Variants in DNAH6 observed in about 807,000 individuals in gnomAD.
The protein encoded by DNAH6 is axonemal beta dynein heavy chain 6.
DNAH6 carries 340 observed loss-of-function variants against 491.4 expected under a neutral mutation model. That is an observed-to-expected ratio of 0.69 (90% confidence interval 0.63 to 0.76). The LOEUF is 0.76. Among genes scored for constraint, DNAH6 ranks in the 30% least tolerant of loss-of-function variants. DNAH6 has a pLI of 0.00. For missense variants in DNAH6, 4,443 were observed against 4,972.2 expected (o/e 0.89, Z 3.20); for synonymous variants, 1,603 against 1,686.1 (o/e 0.95, Z 1.21).
chr2:84,598,798 G>A (rs1366419968), intron 18 of DNAH6, among the ~76,000 whole-genome samples: 3 of 152,068 alleles, frequency 2.0e-5, no homozygotes, highest in Admixed American at 6.5e-5. Context: ...TTGGGAGGCC[G>A]AGGCAGGTGG....
chr2:84,773,260 T>G (rs185792640), intron 64 of DNAH6, among the ~76,000 whole-genome samples: 5 of 152,108 alleles, frequency 3.3e-5, no homozygotes, highest in African/African-American at 1.2e-4. Flanking sequence ...TTTCCAATCT[T>G]TATGTCCATG....
rs1689271935 is a variant in DNAH6, at chr2:84,640,342, T to G, written c.4822-88T>G. 3.6e-6 allele frequency: 3 copies of G among 829,110 alleles called. No individual in the cohort carries two copies. The South Asian group carries it at 6.1e-5, about 17-fold the overall frequency. 51.4% of individuals were successfully genotyped at this position (829,110 alleles called of 1,614,324 possible). A position where few individuals can be genotyped will look rare whatever the true frequency, so the allele number is the denominator to read the frequency against. ...ATAACAACTTGGAAAGTATAATGTT[T>G]AGAGTCAATTTTGACTATGTTGGTA... is the stretch of plus-strand genomic sequence containing the variant. On this transcript the variant is annotated intron_variant, in intron 31 of 76. Coordinates refer to ENST00000389394, the MANE Select transcript of DNAH6 (RefSeq NM_001370.2).
chr2:84,540,667 A>C (rs1330860637), intron 4 of DNAH6, among the ~76,000 whole-genome samples: 6 of 152,168 alleles, frequency 3.9e-5, no homozygotes, highest in Non-Finnish European at 5.9e-5. Flanking sequence ...CAAGGGCCCC[A>C]AAATTCTCTC....
At chr2:84,740,597 C>T (rs1480183145) in intron 62 of DNAH6, among the ~76,000 whole-genome samples, 1 of 152,150 alleles carries the variant, frequency 6.6e-6, no homozygotes, top group Non-Finnish European at 1.5e-5. Flanking sequence ...CTCTCCCCTC[C>T]TTTAGGGACA....
chr2:84,714,974 C>G (rs1697381022), intron 57 of DNAH6, among the ~76,000 whole-genome samples: 1 of 151,528 alleles, frequency 6.6e-6, no homozygotes, highest in Admixed American at 6.6e-5. Flanking sequence ...ATTGACTTAT[C>G]GAGTGATGTC....
At chr2:84,478,264 A>G in the DNAH6 span, among the ~76,000 whole-genome samples, 7 of 152,258 alleles carry the variant, frequency 4.6e-5, no homozygotes, top group Admixed American at 3.9e-4. Flanking sequence ...GCAGCCTCCA[A>G]GAGAGACAGA....
chr2:84,632,769 A>C (rs185681332), intron 29 of DNAH6, among the ~76,000 whole-genome samples: 1 of 152,080 alleles, frequency 6.6e-6, no homozygotes, highest in South Asian at 2.1e-4. Flanking sequence ...ATCTCTGACT[A>C]ATCCCTTTTT....
intron 16 of DNAH6, 83 bp from the exon 17 acceptor site, chr2:84,593,889 C>A: frequency 1.5e-6 from 1 of 668,818 alleles, no homozygotes; most frequent in Non-Finnish European, 2.4e-6. Context: ...AATCACTGTA[C>A]CAAGAATTAC....
rs145716207 is a variant in DNAH6 at position 84,580,377 on chromosome 2, C to G, written c.2229+698C>G. ...TCCTTTGTCTCTTTTGCTTCTTTTT[C>G]TCCGGAAACTTGGTTTCCTCCTCTC... On this transcript the variant is annotated intron_variant, in intron 14 of 76. Coordinates refer to ENST00000389394, the MANE Select transcript of DNAH6 (RefSeq NM_001370.2). Among the ~76,000 whole-genome samples the G allele has an allele frequency of 2.1e-4, 32 of 151,922 alleles. 1 individual carries two copies. In the East Asian group the frequency reaches 6.0e-3, roughly 28 times the overall value.
At position 84,548,334 on chromosome 2, in the gene DNAH6, T is replaced by C. The variant is rs1451926610; in HGVS notation, c.1233T>C (p.His411=). The C allele has an allele frequency of 1.2e-6, 2 of 1,613,740 alleles. No individual in the cohort carries two copies. The highest frequency in any genetic ancestry group is 3.3e-5 in the Admixed American group (2 of 59,984). Residue 411 remains histidine (H), a synonymous_variant, in exon 8 of 77, where the codon CAT becomes CAC. Coordinates refer to ENST00000389394, the MANE Select transcript of DNAH6 (RefSeq NM_001370.2). ...GTGGAAGTTTCATTAATACACCACA[T>C]GAGTTGCCCACTTATGGAGACTCTG... ...QSSGSFINTP[H]ELPTYGDSEK...
At chr2:84,485,410 T>C in the DNAH6 span, among the ~76,000 whole-genome samples, 1 of 151,940 alleles carries the variant, frequency 6.6e-6, no homozygotes, top group Admixed American at 6.6e-5. Flanking sequence ...GACTGGGGCC[T>C]TTGGGTGTCC....
At chr2:84,580,303 C>T (rs2104002468) in intron 14 of DNAH6, among the ~76,000 whole-genome samples, 1 of 85,066 alleles carries the variant, frequency 1.2e-5, no homozygotes, top group East Asian at 3.7e-4. Context: ...CTCTTATACA[C>T]ACACATACAC....
At position 84,588,694 on chromosome 2, in the gene DNAH6, T is replaced by G; in HGVS notation, c.2482-132T>G. 2.2e-6 allele frequency: 2 copies of G among 901,286 alleles called. 1 individual carries two copies. Among genetic ancestry groups the G allele is most frequent in the South Asian group, 4.6e-5 (2 of 43,776 alleles). The allele number at this position is 901,286 out of a possible 1,614,324, so 55.8% of individuals were successfully genotyped here. On this transcript the variant is annotated intron_variant, in intron 15 of 76. Transcript: ENST00000389394. Reference sequence around the variant, plus strand: ...TTAAAATTCAGGAAAACAATAATTTTAAACATCATTTCTAAAAATCAAAAA... The same window carrying G: ...TTAAAATTCAGGAAAACAATAATTTGAAACATCATTTCTAAAAATCAAAAA...
intron 11 of DNAH6, among the ~76,000 whole-genome samples, chr2:84,563,393 G>A (rs888358112): frequency 6.6e-6 from 1 of 152,110 alleles, no homozygotes; most frequent in Non-Finnish European, 1.5e-5. Flanking sequence ...CCTAGGTATG[G>A]AGAAATAACT....
chr2:84,563,598 T>G (rs1181869512), intron 11 of DNAH6, among the ~76,000 whole-genome samples: 1 of 152,148 alleles, frequency 6.6e-6, no homozygotes, highest in Non-Finnish European at 1.5e-5. Context: ...TTCTGGATAT[T>G]AGACCGTTGT....
At chr2:84,576,699 A>T (rs1573075894) in intron 12 of DNAH6, among the ~76,000 whole-genome samples, 1 of 152,124 alleles carries the variant, frequency 6.6e-6, no homozygotes, top group East Asian at 1.9e-4. Context: ...TGGATGAGGG[A>T]GGAAATGGAG....
intron 21 of DNAH6, among the ~76,000 whole-genome samples, chr2:84,609,040 G>A (rs1240021263): frequency 1.3e-5 from 2 of 152,086 alleles, no homozygotes; most frequent in African/African-American, 2.4e-5. Context: ...ATCAACCTCT[G>A]CTACCTTCAA....
intron 46 of DNAH6, among the ~76,000 whole-genome samples, chr2:84,694,969 G>T (rs533106867): frequency 6.6e-6 from 1 of 151,838 alleles, no homozygotes; most frequent in African/African-American, 2.4e-5. Flanking sequence ...ATTATTCTTG[G>T]GTATTTTTTC....
At chr2:84,531,354 AT>A (rs556848790) in intron 4 of DNAH6, among the ~76,000 whole-genome samples, 3,784 of 6,102 alleles carry the variant, frequency 0.62, 1,737 homozygotes, top group African/African-American at 0.73. Flanking sequence ...ATTTTTTTTT[AT>A]TTTTTTTTTT....
Sources: allele counts gnomAD v4.1 joint callset (sites outside exome capture counted in the v4.1 genomes callset), GRCh38; gene constraint gnomAD v4.1.1; transcripts MANE v1.5; gene names NCBI Gene and HGNC (gene_info 2026-07-23, HGNC 2026-07-21).